The following CDH12 variants were observed in gnomAD, a reference collection of about 807,000 sequenced individuals.
CDH12 encodes the protein cadherin-12.
CDH12 carries 41 observed loss-of-function variants against 74.1 expected under a neutral mutation model. That is an observed-to-expected ratio of 0.55 (90% CI 0.43 to 0.72). CDH12 has a LOEUF of 0.72. CDH12 is among the 30% of genes least tolerant of loss of function. CDH12 has a pLI of 0.00. For missense variants in CDH12, 945 were observed against 977.2 expected, an observed-to-expected ratio of 0.97 and a Z score of 0.44; for synonymous variants, 399 against 355.0, an observed-to-expected ratio of 1.12 and a Z score of -1.39.
chr5:22,695,507 G>A (rs1742312807), intron 1 of CDH12, among the ~76,000 whole-genome samples: 1 of 152,140 alleles, frequency 6.6e-6, no homozygotes, highest in African/African-American at 2.4e-5. Context: ...ACAAAAACAA[G>A]CAATGGGGAA....
intron 6 of CDH12, among the ~76,000 whole-genome samples, chr5:21,874,760 G>A (rs191047482): frequency 1.4e-3 from 208 of 152,256 alleles, no homozygotes; most frequent in Middle Eastern, 6.8e-3. Flanking sequence ...AAGGGTGTCC[G>A]CCGCACTTCT....
chr5:22,630,141 A>G (rs1239624057), intron 1 of CDH12, among the ~76,000 whole-genome samples: 1 of 152,192 alleles, frequency 6.6e-6, no homozygotes, highest in Non-Finnish European at 1.5e-5. Flanking sequence ...TTCAGTGCTC[A>G]TGGATAGGTA....
At chr5:21,779,993 T>G (rs755484654) in intron 11 of CDH12, among the ~76,000 whole-genome samples, 2 of 152,218 alleles carry the variant, frequency 1.3e-5, no homozygotes, top group Non-Finnish European at 2.9e-5. Flanking sequence ...TCCTTTATGG[T>G]TCTAATATCT....
At chr5:22,687,991 G>T (rs1741899446) in intron 1 of CDH12, among the ~76,000 whole-genome samples, 1 of 151,968 alleles carries the variant, frequency 6.6e-6, no homozygotes, top group African/African-American at 2.4e-5. Context: ...CCTTGAGATG[G>T]CCAATTCTGT....
intron 1 of CDH12, among the ~76,000 whole-genome samples, chr5:22,788,230 G>A (rs765502667): frequency 6.6e-6 from 1 of 152,152 alleles, no homozygotes; most frequent in Non-Finnish European, 1.5e-5. Context: ...GTGACTGACT[G>A]TAACAGTTGT....
chr5:22,567,903 C>T (rs1473477962), intron 1 of CDH12, among the ~76,000 whole-genome samples: 1 of 152,166 alleles, frequency 6.6e-6, no homozygotes, highest in African/African-American at 2.4e-5. Flanking sequence ...TATTTTTGCC[C>T]TGGTCAATCC....
intron 5 of CDH12, among the ~76,000 whole-genome samples, chr5:22,054,653 GT>G (rs990807948): frequency 3.3e-5 from 5 of 152,066 alleles, no homozygotes; most frequent in Non-Finnish European, 7.4e-5. Context: ...TCATCTAAAA[GT>G]TTGTAAAAGA....
At chr5:22,654,928 G>A (rs1217099394) in intron 1 of CDH12, among the ~76,000 whole-genome samples, 1 of 152,132 alleles carries the variant, frequency 6.6e-6, no homozygotes, top group East Asian at 1.9e-4. Flanking sequence ...ACTGTGCCGT[G>A]CCTCTTTCTA....
chr5:22,158,870 A>G (rs1748172618), intron 4 of CDH12, among the ~76,000 whole-genome samples: 1 of 152,116 alleles, frequency 6.6e-6, no homozygotes, highest in South Asian at 2.1e-4. Flanking sequence ...TGCTACATAC[A>G]AATAATAAAA....
At chr5:21,805,973 T>C (rs6873437) in intron 9 of CDH12, among the ~76,000 whole-genome samples, 37,974 of 151,966 alleles carry the variant, frequency 0.25, 5,448 homozygotes, top group East Asian at 0.41. Flanking sequence ...AGCTTCTTTC[T>C]CTTTAGGTTG....
chr5:21,869,267 A>T (rs6452016), intron 6 of CDH12, among the ~76,000 whole-genome samples: 110,645 of 152,060 alleles, frequency 0.73, 45,036 homozygotes, highest in Non-Finnish European at 0.9. Context: ...ATGCCCTATG[A>T]TTAAGGTCAA....
intron 5 of CDH12, among the ~76,000 whole-genome samples, chr5:22,014,354 T>A (rs1451190889): frequency 6.6e-6 from 1 of 152,186 alleles, no homozygotes; most frequent in Non-Finnish European, 1.5e-5. Flanking sequence ...GAAAGTTCAT[T>A]GAGTACATGT....
At position 22,161,360 on chromosome 5, in the gene CDH12, T is replaced by C. The variant is rs114255853; in HGVS notation, c.-187+51138A>G. Among the ~76,000 whole-genome samples the C allele has an allele frequency of 9.3e-3, 1,413 of 152,098 alleles. 20 individuals are homozygous for C. Among genetic ancestry groups the C allele is most frequent in the African/African-American group, 0.031 (1,295 of 41,458 alleles). The stretch of plus-strand genomic sequence containing the variant: ...TGGACATTTAAAATACTAAAACACC[T>C]AAAAGAGAGTATCATATTGCAAGAA... On this transcript the variant is annotated intron_variant, in intron 4 of 14. Transcript: ENST00000382254.
At chr5:22,251,722 G>C (rs1183858743) in intron 3 of CDH12, among the ~76,000 whole-genome samples, 1 of 152,018 alleles carries the variant, frequency 6.6e-6, no homozygotes, top group African/African-American at 2.4e-5. Flanking sequence ...TAAGTGCTCT[G>C]AACACAGAAA....
At chr5:22,027,026 G>A (rs1738409192) in intron 5 of CDH12, among the ~76,000 whole-genome samples, 1 of 152,142 alleles carries the variant, frequency 6.6e-6, no homozygotes. Context: ...TAGCATGAAG[G>A]TCGTTGAATT....
At chr5:22,791,457 T>C (rs1402872609) in intron 1 of CDH12, among the ~76,000 whole-genome samples, 1 of 152,196 alleles carries the variant, frequency 6.6e-6, no homozygotes, top group African/African-American at 2.4e-5. Flanking sequence ...TCAATCTATA[T>C]TTAATGCCTT....
Position 22,206,312 on chromosome 5 carries a change from G to A in CDH12, c.-187+6186C>T, listed in dbSNP as rs7720632. On this transcript the variant is annotated intron_variant, in intron 4 of 14. Transcript: ENST00000382254. ...TAAAAAAGATCCCCAGATAACTTGCGTGCCTGTTCTTAAGGTTTGAGAGTT... is the reference window on the plus strand; with the variant it reads ...TAAAAAAGATCCCCAGATAACTTGCATGCCTGTTCTTAAGGTTTGAGAGTT... Among the ~76,000 whole-genome samples the A allele has an allele frequency of 7.9e-3, 1,198 of 152,220 alleles. 16 individuals carry two copies. Among genetic ancestry groups the A allele is most frequent in the African/African-American group, 0.027 (1,121 of 41,518 alleles).
intron 3 of CDH12, among the ~76,000 whole-genome samples, chr5:22,310,971 A>T (rs1446992558): frequency 6.6e-5 from 10 of 152,170 alleles, no homozygotes; most frequent in Admixed American, 3.3e-4. Context: ...ATGTGGATGT[A>T]ATTCTTAGAT....
chr5:22,714,384 A>T (rs78045304), intron 1 of CDH12, among the ~76,000 whole-genome samples: 12 of 152,290 alleles, frequency 7.9e-5, no homozygotes, highest in African/African-American at 2.4e-4. Context: ...TACCTGCTCC[A>T]TGGAGCTAGT....
Sources: gnomAD v4.1 joint callset for allele counts (sites outside exome capture counted in the v4.1 genomes callset) on GRCh38, gnomAD v4.1.1 for gene constraint, MANE v1.5 for transcripts, NCBI Gene and HGNC (gene_info 2026-07-23, HGNC 2026-07-21) for gene names.